The following TAOK1 variants were observed in gnomAD, a reference collection of about 807,000 sequenced individuals.
The protein encoded by TAOK1 is serine/threonine-protein kinase TAO1.
A neutral mutation model predicts 138.3 loss-of-function variants in TAOK1; 21 were observed. The observed-to-expected ratio is 0.15, with a 90% CI of 0.11 to 0.22. TAOK1 has a LOEUF of 0.22. Ranked by LOEUF, TAOK1 falls within the 10% of genes least tolerant of loss-of-function variation. The pLI, the probability that TAOK1 is intolerant of heterozygous loss-of-function variation, is 1.00. For synonymous variants in TAOK1, 361 were observed against 398.4 expected, an observed-to-expected ratio of 0.91 and a Z score of 1.12; for missense variants, 651 against 1,227.7, an observed-to-expected ratio of 0.53 and a Z score of 7.02.
intron 8 of TAOK1, among the ~76,000 whole-genome samples, chr17:29,488,695 G>A (rs1366708011): frequency 1.3e-5 from 2 of 151,754 alleles, no homozygotes; most frequent in Non-Finnish European, 2.9e-5. Context: ...TTCAGTCTGT[G>A]GATGCAGAAC....
At position 29,465,128 on chromosome 17, in the gene TAOK1, ATTTTTTTTTTT is replaced by A. The variant is rs57794003; in HGVS notation, c.133-1998_133-1988del. Among the ~76,000 whole-genome samples, 16 of 63,158 alleles carry A rather than the reference ATTTTTTTTTTT, an allele frequency of 2.5e-4. No homozygotes were observed. In the East Asian group the frequency reaches 5.0e-3, roughly 20 times the overall value. 41.4% of individuals were successfully genotyped at this position (63,158 alleles called of 152,430 possible). ...AAGCCACCATGCCTGGTCTTATTTA[ATTTTTTTTTTT>A]TTTTTTTTTTTTTTTTTTGAGATGG... On this transcript the variant is annotated intron_variant, in intron 2 of 19. Coordinates refer to ENST00000261716, the MANE Select transcript of TAOK1 (RefSeq NM_020791.4).
intron 13 of TAOK1, among the ~76,000 whole-genome samples, chr17:29,506,105 A>G (rs1246784040): frequency 1.3e-5 from 2 of 152,216 alleles, no homozygotes; most frequent in African/African-American, 4.8e-5. Flanking sequence ...CAGTAATTCC[A>G]CTTCTGGGTA....
chr17:29,510,391 T>A (rs73278622), intron 14 of TAOK1, among the ~76,000 whole-genome samples: 6,176 of 151,980 alleles, frequency 0.041, 387 homozygotes, highest in African/African-American at 0.14. Flanking sequence ...ATAATAATTT[T>A]AAAAAAAGAA....
intron 17 of TAOK1, among the ~76,000 whole-genome samples, chr17:29,528,155 T>C (rs570567978): frequency 6.6e-6 from 1 of 152,270 alleles, no homozygotes; most frequent in South Asian, 2.1e-4. Flanking sequence ...GTTCAAGCAA[T>C]TCTTGTGCCT....
At chr17:29,500,185 A>G (rs545591271) in intron 12 of TAOK1, among the ~76,000 whole-genome samples, 1 of 152,116 alleles carries the variant, frequency 6.6e-6, no homozygotes, top group East Asian at 1.9e-4. Context: ...ATGGTGGTGC[A>G]TGCTTCTAAT....
In TAOK1 at chr17:29,547,467, C is replaced by A. The variant is rs947350993; in HGVS notation, c.*4445C>A. The A allele has an allele frequency of 6.6e-6, 1 of 152,136 alleles. No homozygotes were observed. The highest frequency in any genetic ancestry group is 1.5e-5 in the Non-Finnish European group (1 of 67,996). The allele number at this position is 152,136 out of a possible 1,614,324, so 9.4% of individuals were successfully genotyped here. A position where few individuals can be genotyped will look rare whatever the true frequency, so the allele number is the denominator to read the frequency against. On this transcript the variant is annotated 3_prime_UTR_variant, in exon 20 of 20. Coordinates refer to ENST00000261716, the MANE Select transcript of TAOK1 (RefSeq NM_020791.4). Reference sequence around the variant, plus strand: ...CTATTCAAGTAGAGATTTGCCCCAACACATTAACTTTTTCCTTGGAGATTT... The same window carrying A: ...CTATTCAAGTAGAGATTTGCCCCAAAACATTAACTTTTTCCTTGGAGATTT...
Position 29,485,548 on chromosome 17 carries a change from C to T in TAOK1, c.655+3260C>T, listed in dbSNP as rs917139000. On this transcript the variant is annotated intron_variant, in intron 8 of 19. Transcript: ENST00000261716. The stretch of plus-strand genomic sequence containing the variant: ...CAGCTACTCGGGAGGCAGAGGTGGA[C>T]GACCCCCTTTAGCCCAGGAGTTTGA... 5.9e-5 allele frequency among the ~76,000 whole-genome samples: 9 copies of T among 152,204 alleles called. No individual in the cohort carries two copies. The South Asian group carries it at 1.0e-3, about 18-fold the overall frequency.
chr17:29,460,436 C>G (rs773143769), intron 2 of TAOK1, among the ~76,000 whole-genome samples: 1 of 152,144 alleles, frequency 6.6e-6, no homozygotes, highest in Non-Finnish European at 1.5e-5. Flanking sequence ...ATGATCCACC[C>G]GCCTCGGCCT....
chr17:29,529,439 A>C (rs558418872), intron 17 of TAOK1, among the ~76,000 whole-genome samples: 22 of 152,212 alleles, frequency 1.4e-4, no homozygotes, highest in African/African-American at 4.8e-4. Flanking sequence ...ACAACAACAA[A>C]AATATCCAGG....
chr17:29,506,666 A>G (rs2031634164), intron 13 of TAOK1, among the ~76,000 whole-genome samples: 1 of 152,122 alleles, frequency 6.6e-6, no homozygotes, highest in South Asian at 2.1e-4. Context: ...TGTTAGATTG[A>G]TTTAATTTAA....
chr17:29,507,095 C>T (rs1414328275), intron 13 of TAOK1, among the ~76,000 whole-genome samples: 1 of 152,028 alleles, frequency 6.6e-6, no homozygotes, highest in Non-Finnish European at 1.5e-5. Context: ...GAATGGAGAG[C>T]AACTGCTTAA....
At chr17:29,451,430 A>G in intron 1 of TAOK1, 25 bp from the exon 2 acceptor site, 1 of 1,287,746 alleles carries the variant, frequency 7.8e-7, no homozygotes, top group South Asian at 1.7e-5. Context: ...GCCTTTTCTG[A>G]CTTTTTTTTT....
chr17:29,506,172 AT>A lies in TAOK1; in HGVS notation c.1339-1722del, dbSNP rs146878701. ...AAGGGATATCTGCACTCCCATGTTC[AT>A]TGCAGCATTATTCACAATAGCTAAG... On this transcript the variant is annotated intron_variant, in intron 13 of 19. Coordinates refer to ENST00000261716, the MANE Select transcript of TAOK1 (RefSeq NM_020791.4). Among the ~76,000 whole-genome samples, 1,140 of 152,346 alleles carry A rather than the reference AT, an allele frequency of 7.5e-3. 16 individuals carry two copies. The highest frequency in any genetic ancestry group is 0.026 in the African/African-American group (1,091 of 41,580).
intron 19 of TAOK1, among the ~76,000 whole-genome samples, chr17:29,540,893 C>T (rs1463630730): frequency 4.6e-5 from 7 of 151,004 alleles, no homozygotes; most frequent in African/African-American, 2.4e-5. Flanking sequence ...TTAGTAGAGA[C>T]GAGGTTTCAC....
At chr17:29,481,490 A>G (rs987674882) in intron 7 of TAOK1, among the ~76,000 whole-genome samples, 40 of 151,684 alleles carry the variant, frequency 2.6e-4, no homozygotes, top group Middle Eastern at 3.4e-3. Context: ...GTGCCTGGCC[A>G]AAAAATAGAC....
In TAOK1 at chr17:29,542,918, G is replaced by A; in HGVS notation, c.2902G>A (p.Ala968Thr). The change falls in exon 20 of 20, where the codon GCT (alanine) becomes ACT (threonine). Residue 968 changes from alanine to threonine, a missense_variant. By Grantham distance (58) the Ala-to-Thr change is moderately conservative. Transcript: ENST00000261716. ...TATGGGAGTCCGCAATAGCCCCCAG[G>A]CTCTGAGGCGGACAGCTTCTGGGGG... ...SSMGVRNSPQ[A>T]LRRTASGGRT... 7.4e-6 allele frequency: 12 copies of A among 1,613,756 alleles called. No individual in the cohort carries two copies. Among genetic ancestry groups the A allele is most frequent in the African/African-American group, 1.3e-5 (1 of 75,060 alleles).
At chr17:29,487,485 G>A (rs1463091226) in intron 8 of TAOK1, among the ~76,000 whole-genome samples, 4 of 152,120 alleles carry the variant, frequency 2.6e-5, no homozygotes, top group South Asian at 2.1e-4. Context: ...GAGCGTGTCT[G>A]AGAGCAGTGA....
chr17:29,497,524 G>A (rs1164686613), intron 11 of TAOK1, among the ~76,000 whole-genome samples: 2 of 152,110 alleles, frequency 1.3e-5, no homozygotes. Context: ...TTCTGGTATG[G>A]TAAGACTACT....
chr17:29,483,896 G>T (rs943762312), intron 8 of TAOK1, among the ~76,000 whole-genome samples: 2 of 152,088 alleles, frequency 1.3e-5, no homozygotes, highest in African/African-American at 2.4e-5. Context: ...AGAAGCCTGG[G>T]TATACATGTA....
Sources: gnomAD v4.1 joint callset for allele counts (sites outside exome capture counted in the v4.1 genomes callset) on GRCh38, gnomAD v4.1.1 for gene constraint, MANE v1.5 for transcripts, NCBI Gene and HGNC (gene_info 2026-07-23, HGNC 2026-07-21) for gene names.